Variants in MBP observed in about 807,000 individuals in gnomAD.
The protein encoded by MBP is myelin basic protein, also known as Golli-MBP.
In MBP, 16 loss-of-function variants were observed where a neutral mutation model predicts 35.8. The ratio of observed to expected loss-of-function variants is 0.45; its 90% confidence interval spans 0.30 to 0.68. The LOEUF (loss-of-function observed/expected upper bound fraction) is 0.68. Among genes scored for constraint, MBP ranks in the 30% least tolerant of loss-of-function variants. The probability of loss-of-function intolerance (pLI) is 0.08; values close to 1 mark genes in which losing one functional copy is unlikely to be tolerated. For synonymous variants in MBP, 143 were observed against 159.6 expected (o/e 0.90, Z 0.78); for missense variants, 380 against 404.7 (o/e 0.94, Z 0.52).
Position 77,057,824 on chromosome 18 carries a change from G to GTTTTTTTTTTTTTTTTT in MBP, c.139+8457_139+8473dup. 1.7e-3 allele frequency among the ~76,000 whole-genome samples: 16 copies of GTTTTTTTTTTTTTTTTT among 9,198 alleles called. 7 individuals carry two copies. The highest frequency in any genetic ancestry group is 0.012 in the African/African-American group (14 of 1,208). 6.0% of individuals were successfully genotyped at this position (9,198 alleles called of 152,430 possible). ...GGGACACCTGAGGAAGGCGGGGAGT[G>GTTTTTTTTTTTTTTTTT]TTTTTTTTTTTTTTTTTTTTGAGAC... is the stretch of plus-strand genomic sequence containing the variant. On this transcript the variant is annotated intron_variant, in intron 3 of 8. Coordinates refer to ENST00000355994, the MANE Select transcript of MBP (RefSeq NM_001025101.2).
At chr18:76,993,758 G>A (rs911584754) in intron 4 of MBP, among the ~76,000 whole-genome samples, 3 of 152,134 alleles carry the variant, frequency 2.0e-5, no homozygotes, top group African/African-American at 7.2e-5. Context: ...GCCTGTGGCC[G>A]GCGCTTCATG....
chr18:77,022,124 T>C (rs935485717), intron 3 of MBP, among the ~76,000 whole-genome samples: 1 of 152,248 alleles, frequency 6.6e-6, no homozygotes, highest in African/African-American at 2.4e-5. Flanking sequence ...GTTGAGAAAC[T>C]GCCCTGTAAG....
Position 77,025,705 on chromosome 18 carries a change from C to CTTTTTTTTTTTTTTT in MBP, c.140-8452_140-8438dup, listed in dbSNP as rs540022394. ...GCGGACACTGTCCTCTATTGAAATA[C>CTTTTTTTTTTTTTTT]TTTTTTTTTTTTTTTTTTTTACCTA... On this transcript the variant is annotated intron_variant, in intron 3 of 8. Coordinates refer to ENST00000355994, the MANE Select transcript of MBP (RefSeq NM_001025101.2). Among the ~76,000 whole-genome samples, 942 of 108,732 alleles carry CTTTTTTTTTTTTTTT rather than the reference C, an allele frequency of 8.7e-3. 124 individuals are homozygous for CTTTTTTTTTTTTTTT. The highest frequency in any genetic ancestry group is 0.031 in the African/African-American group (763 of 24,520). The allele number at this position is 108,732 out of a possible 152,430, so 71.3% of individuals were successfully genotyped here. A position where few individuals can be genotyped will look rare whatever the true frequency, so the allele number is the denominator to read the frequency against.
intron 7 of MBP, chr18:76,985,281 G>A: frequency 1.5e-6 from 2 of 1,316,368 alleles, no homozygotes; most frequent in East Asian, 5.0e-5. Context: ...GCCTACACGG[G>A]TTTGGAGGAC....
At chr18:76,981,687 T>A (rs1969212763) in intron 8 of MBP, 1 of 152,244 alleles carries the variant, frequency 6.6e-6, no homozygotes, top group Non-Finnish European at 1.5e-5. Context: ...TCACATACCG[T>A]GGAGGCCTCC....
chr18:77,030,959 G>A (rs563682512), intron 3 of MBP, among the ~76,000 whole-genome samples: 1 of 152,150 alleles, frequency 6.6e-6, no homozygotes, highest in Admixed American at 6.5e-5. Context: ...CCTGGTATCT[G>A]TGGAAGAGGG....
chr18:77,007,679 C>T lies in MBP; in HGVS notation c.576+9153G>A, dbSNP rs148387235. Reference sequence around the variant, plus strand: ...ACGCACACACACCCCTACTGCTTTTCCTATCTGGACCAGAATGGGGTGTCC... The same window carrying T: ...ACGCACACACACCCCTACTGCTTTTTCTATCTGGACCAGAATGGGGTGTCC... On this transcript the variant is annotated intron_variant, in intron 4 of 8. Transcript: ENST00000355994. 6.5e-3 allele frequency among the ~76,000 whole-genome samples: 990 copies of T among 152,318 alleles called. 3 individuals carry two copies. The highest frequency in any genetic ancestry group is 0.034 in the Middle Eastern group (10 of 294).
In MBP at chr18:77,014,222, G is replaced by T. The variant is rs563417228; in HGVS notation, c.576+2610C>A. 7.1e-6 allele frequency: 7 copies of T among 985,466 alleles called. No homozygotes were observed. In the African/African-American group the frequency reaches 1.2e-4, roughly 17 times the overall value. 61.0% of individuals were successfully genotyped at this position (985,466 alleles called of 1,614,324 possible). ...TGTCAGCTCCCAGCAACACAAGCATGGGTGTTGTTAGGGCATTCCCGGGCT... is the reference window on the plus strand; with the variant it reads ...TGTCAGCTCCCAGCAACACAAGCATTGGTGTTGTTAGGGCATTCCCGGGCT... On this transcript the variant is annotated intron_variant, in intron 4 of 8. Coordinates refer to ENST00000355994, the MANE Select transcript of MBP (RefSeq NM_001025101.2).
chr18:77,079,596 C>T (rs1974808573), intron 2 of MBP, among the ~76,000 whole-genome samples: 2 of 152,188 alleles, frequency 1.3e-5, no homozygotes, highest in South Asian at 4.1e-4. Flanking sequence ...TAATAGCACA[C>T]ACACAGTTTA....
intron 2 of MBP, chr18:77,097,178 G>T (rs1269298192): frequency 6.6e-6 from 1 of 152,282 alleles, no homozygotes; most frequent in African/African-American, 2.4e-5. Context: ...GGACTCCCCT[G>T]ATCCTTTGGA....
At chr18:77,008,346 A>C (rs1219327606) in intron 4 of MBP, among the ~76,000 whole-genome samples, 3 of 152,050 alleles carry the variant, frequency 2.0e-5, no homozygotes, top group African/African-American at 4.8e-5. Context: ...CACCCCAGAG[A>C]AGAGGCCTCC....
intron 4 of MBP, among the ~76,000 whole-genome samples, chr18:76,993,901 G>A (rs950930001): frequency 2.6e-5 from 4 of 152,198 alleles, no homozygotes; most frequent in African/African-American, 4.8e-5. Context: ...CAGGAACATC[G>A]GAGTCCTAGT....
At chr18:77,067,826 C>T in intron 2 of MBP, 3 of 513,476 alleles carry the variant, frequency 5.8e-6, no homozygotes, top group Non-Finnish European at 1.2e-5. Context: ...ACATTCTTTT[C>T]CTTCTGGAGA....
intron 3 of MBP, among the ~76,000 whole-genome samples, chr18:77,048,990 G>A (rs1466981018): frequency 1.3e-5 from 2 of 151,068 alleles, no homozygotes; most frequent in African/African-American, 4.9e-5. Context: ...CATGGTGTCA[G>A]CTCACTGCCA....
intron 2 of MBP, among the ~76,000 whole-genome samples, chr18:77,095,134 T>A (rs924101485): frequency 6.6e-6 from 1 of 152,192 alleles, no homozygotes; most frequent in Admixed American, 6.5e-5. Flanking sequence ...GGGAGGTGTG[T>A]GTGAAAGAGT....
intron 3 of MBP, among the ~76,000 whole-genome samples, chr18:77,059,126 G>GA (rs914869730): frequency 6.6e-6 from 1 of 152,100 alleles, no homozygotes; most frequent in African/African-American, 2.4e-5. Context: ...TTAAAAGAAA[G>GA]AAAAAACCCT....
intron 4 of MBP, among the ~76,000 whole-genome samples, chr18:76,998,304 A>T (rs1191047051): frequency 6.8e-6 from 1 of 147,618 alleles, no homozygotes; most frequent in African/African-American, 2.5e-5. Context: ...AGTGCCCTCC[A>T]GGCGCCCCGT....
intron 4 of MBP, chr18:77,014,931 TTA>T (rs1971545164): frequency 1.0e-6 from 1 of 977,668 alleles, no homozygotes; most frequent in South Asian, 4.7e-5. Flanking sequence ...AAAATTATTT[TTA>T]TTTTTAAAAT....
chr18:77,030,320 T>A (rs1972495787), intron 3 of MBP, among the ~76,000 whole-genome samples: 2 of 152,140 alleles, frequency 1.3e-5, no homozygotes, highest in Non-Finnish European at 1.5e-5. Flanking sequence ...ATGGTACTAT[T>A]CACGTAGGGA....
Sources: gnomAD v4.1 joint callset for allele counts (sites outside exome capture counted in the v4.1 genomes callset) on GRCh38, gnomAD v4.1.1 for gene constraint, MANE v1.5 for transcripts, NCBI Gene and HGNC (gene_info 2026-07-23, HGNC 2026-07-21) for gene names.